The following NAV2 variants were observed in gnomAD, a reference collection of about 807,000 sequenced individuals.
NAV2 encodes neuron navigator 2.
NAV2 carries 54 observed loss-of-function variants against 223.2 expected under a neutral mutation model. The observed-to-expected ratio is 0.24, with a 90% CI of 0.19 to 0.30. The LOEUF (loss-of-function observed/expected upper bound fraction) is 0.30, where lower values mean the gene tolerates loss of function less well. Among genes scored for constraint, NAV2 ranks in the 10% least tolerant of loss-of-function variants. NAV2 has a pLI of 1.00. For missense variants in NAV2, 2,806 were observed against 3,147.5 expected (o/e 0.89, Z 2.60); for synonymous variants, 1,279 against 1,239.3 (o/e 1.03, Z -0.67).
chr11:19,586,759 C>T (rs556516529), intron 1 of NAV2, among the ~76,000 whole-genome samples: 71 of 152,286 alleles, frequency 4.7e-4, no homozygotes, highest in South Asian at 4.1e-4. Flanking sequence ...CAGAGGAGTA[C>T]GCAGCCGTGT....
At chr11:20,110,337 C>T (rs76380727) in intron 36 of NAV2, among the ~76,000 whole-genome samples, 1 of 152,258 alleles carries the variant, frequency 6.6e-6, no homozygotes, top group East Asian at 1.9e-4. Flanking sequence ...GTATAGACTG[C>T]GGATTCCTGC....
At chr11:19,930,403 C>T (rs1396117014) in intron 6 of NAV2, among the ~76,000 whole-genome samples, 1 of 152,186 alleles carries the variant, frequency 6.6e-6, no homozygotes, top group Non-Finnish European at 1.5e-5. Context: ...GATCCATGTA[C>T]ACGTGGGGAC....
chr11:19,532,213 G>A (rs2134436078), intron 1 of NAV2, among the ~76,000 whole-genome samples: 1 of 152,308 alleles, frequency 6.6e-6, no homozygotes, highest in African/African-American at 2.4e-5. Context: ...GCTCTGCAGG[G>A]CTTTGGTCTG....
At chr11:20,077,458 G>A in intron 22 of NAV2, 94 bp from the exon 23 acceptor site, 1 of 919,986 alleles carries the variant, frequency 1.1e-6, no homozygotes, top group Non-Finnish European at 1.8e-6. Flanking sequence ...CTAGATCAAT[G>A]GACCCACAGG....
chr11:19,983,946 T>C (rs771715334), intron 10 of NAV2, among the ~76,000 whole-genome samples, 179 bp from the exon 11 acceptor site: 7 of 152,164 alleles, frequency 4.6e-5, no homozygotes, highest in Non-Finnish European at 8.8e-5. Context: ...GGGGATCCTC[T>C]AGGTTGGATC....
intron 1 of NAV2, among the ~76,000 whole-genome samples, chr11:19,825,663 T>C (rs1348089456): frequency 6.6e-6 from 1 of 152,204 alleles, no homozygotes; most frequent in Non-Finnish European, 1.5e-5. Context: ...CCCGGCTTCA[T>C]TTGAGGGCTA....
intron 11 of NAV2, among the ~76,000 whole-genome samples, chr11:19,999,022 G>A (rs996129307): frequency 2.6e-5 from 4 of 152,238 alleles, no homozygotes; most frequent in African/African-American, 9.6e-5. Context: ...CATATACCAT[G>A]AAGGAATAAA....
At chr11:19,639,684 A>G (rs891200776) in intron 1 of NAV2, among the ~76,000 whole-genome samples, 8 of 152,192 alleles carry the variant, frequency 5.3e-5, no homozygotes, top group Non-Finnish European at 7.3e-5. Flanking sequence ...TTTCTTCAAC[A>G]GAAGGGGAAA....
chr11:19,738,291 C>A (rs1312013429), intron 1 of NAV2, among the ~76,000 whole-genome samples: 1 of 152,212 alleles, frequency 6.6e-6, no homozygotes, highest in African/African-American at 2.4e-5. Context: ...ATGGCAACAG[C>A]CCAGGCAGGG....
intron 1 of NAV2, among the ~76,000 whole-genome samples, chr11:19,679,678 A>G (rs564220705): frequency 6.6e-6 from 1 of 152,142 alleles, no homozygotes; most frequent in South Asian, 2.1e-4. Context: ...GTGGTTTGGG[A>G]CACCCCGGCT....
In NAV2 at chr11:20,048,812, T is replaced by C. The variant is rs1186662832; in HGVS notation, c.3987T>C (p.His1329=). Residue 1329 remains histidine, a synonymous_variant, in exon 15 of 38, where the codon CAT becomes CAC. Coordinates refer to ENST00000349880, the MANE Select transcript of NAV2 (RefSeq NM_145117.5). ...ATTCGGTGGTCATCTCCAATCCTCA[T>C]GCCACCATGACTCAGCAAGGTAACC... ...MKNSVVISNP[H]ATMTQQGNLD... The C allele has an allele frequency of 6.2e-7, 1 of 1,614,062 alleles. No homozygotes were observed. Among genetic ancestry groups the C allele is most frequent in the East Asian group, 2.2e-5 (1 of 44,872 alleles).
chr11:19,743,046 T>G (rs2152465913), intron 1 of NAV2, among the ~76,000 whole-genome samples: 1 of 152,196 alleles, frequency 6.6e-6, no homozygotes, highest in South Asian at 2.1e-4. Flanking sequence ...AACAGTGGGG[T>G]TTAGGAGAAA....
At chr11:19,597,868 C>T (rs779136133) in intron 1 of NAV2, among the ~76,000 whole-genome samples, 2 of 152,172 alleles carry the variant, frequency 1.3e-5, no homozygotes, top group African/African-American at 4.8e-5. Flanking sequence ...GAGGAATGGC[C>T]GTGGCCATTT....
chr11:20,071,431 G>C (rs755077775), intron 22 of NAV2, among the ~76,000 whole-genome samples: 5 of 152,142 alleles, frequency 3.3e-5, no homozygotes, highest in Non-Finnish European at 5.9e-5. Context: ...ACGTGTGCAT[G>C]CGTCTTTATA....
At chr11:19,592,742 A>G (rs1403823194) in intron 1 of NAV2, among the ~76,000 whole-genome samples, 2 of 152,244 alleles carry the variant, frequency 1.3e-5, no homozygotes, top group East Asian at 3.8e-4. Context: ...TGTATGAAGT[A>G]ACAATGAAAA....
At chr11:19,975,551 C>A (rs561307006) in intron 10 of NAV2, among the ~76,000 whole-genome samples, 1 of 152,276 alleles carries the variant, frequency 6.6e-6, no homozygotes, top group Non-Finnish European at 1.5e-5. Context: ...GCAAAAGACA[C>A]ACAAACCTTG....
intron 1 of NAV2, among the ~76,000 whole-genome samples, chr11:19,398,675 G>T (rs4300373): frequency 6.6e-6 from 1 of 151,848 alleles, no homozygotes; most frequent in African/African-American, 2.4e-5. Flanking sequence ...ATTTCCTGAA[G>T]CTCAGTTTCC....
chr11:19,698,925 T>C (rs2049427126), intron 1 of NAV2, among the ~76,000 whole-genome samples: 1 of 152,178 alleles, frequency 6.6e-6, no homozygotes, highest in African/African-American at 2.4e-5. Flanking sequence ...TCCTTTTCCA[T>C]ACCTGAACTC....
intron 1 of NAV2, among the ~76,000 whole-genome samples, chr11:19,753,169 C>G (rs183944596): frequency 1.1e-3 from 174 of 152,282 alleles, no homozygotes; most frequent in Non-Finnish European, 2.0e-3. Context: ...ACCCAGTCTA[C>G]GGTATTCTGT....
Sources: gnomAD v4.1 joint callset for allele counts (sites outside exome capture counted in the v4.1 genomes callset) on GRCh38, gnomAD v4.1.1 for gene constraint, MANE v1.5 for transcripts, NCBI Gene and HGNC (gene_info 2026-07-23, HGNC 2026-07-21) for gene names.